NTAQ1: variants seen among roughly 807,000 people sequenced by gnomAD.
NTAQ1 encodes protein N-terminal glutamine amidohydrolase.
Under a neutral mutation model 28.2 loss-of-function variants are expected in NTAQ1, and 21 were observed. That is an observed-to-expected ratio of 0.74 (90% CI 0.53 to 1.07). The LOEUF is 1.07. Among genes scored for constraint, NTAQ1 ranks in the 50% least tolerant of loss-of-function variants. The probability of loss-of-function intolerance (pLI) is 0.00; values close to 1 mark genes in which losing one functional copy is unlikely to be tolerated. For synonymous variants in NTAQ1, 105 were observed against 90.0 expected, an observed-to-expected ratio of 1.17 and a Z score of -0.94; for missense variants, 264 against 256.6, an observed-to-expected ratio of 1.03 and a Z score of -0.20.
chr8:123,474,887 C>CAAAACA (rs1223359944), downstream of NTAQ1, among the ~76,000 whole-genome samples: 1 of 152,066 alleles, frequency 6.6e-6, no homozygotes, highest in Non-Finnish European at 1.5e-5. Flanking sequence ...AACTCTGTCT[C>CAAAACA]AAAACAAAAA....
At chr8:123,431,098 G>T (rs1814363082) in intron 3 of NTAQ1, among the ~76,000 whole-genome samples, 1 of 152,180 alleles carries the variant, frequency 6.6e-6, no homozygotes. Flanking sequence ...AGAACTTTGG[G>T]AGGCCGAGGT....
intron 6 of NTAQ1, among the ~76,000 whole-genome samples, chr8:123,459,998 C>T (rs759877174): frequency 3.3e-5 from 5 of 151,986 alleles, no homozygotes; most frequent in Non-Finnish European, 7.4e-5. Flanking sequence ...CGGGGTTTCT[C>T]CATGTTGATC....
chr8:123,425,467 C>A (rs1446842114), intron 1 of NTAQ1, among the ~76,000 whole-genome samples: 1 of 151,612 alleles, frequency 6.6e-6, no homozygotes, highest in African/African-American at 2.4e-5. Flanking sequence ...TTCCCACCCC[C>A]CCACTTTTTT....
intron 3 of NTAQ1, among the ~76,000 whole-genome samples, chr8:123,430,786 A>G (rs909130961): frequency 1.3e-5 from 2 of 152,198 alleles, no homozygotes; most frequent in African/African-American, 4.8e-5. Context: ...GTCTCAATAA[A>G]TAAATAATGT....
chr8:123,472,952 A>G (rs1223742535), downstream of NTAQ1, among the ~76,000 whole-genome samples: 1 of 152,088 alleles, frequency 6.6e-6, no homozygotes, highest in Non-Finnish European at 1.5e-5. Context: ...TTATCCAAGG[A>G]TGCCCTGGAT....
At chr8:123,470,029 AG>A (rs1378498984), downstream of NTAQ1, among the ~76,000 whole-genome samples, 1 of 152,236 alleles carries the variant, frequency 6.6e-6, no homozygotes, top group African/African-American at 2.4e-5. Context: ...GAGGTCATGA[AG>A]GTGTGGTCCC....
intron 3 of NTAQ1, among the ~76,000 whole-genome samples, chr8:123,430,895 C>T (rs1047119614): frequency 2.6e-5 from 4 of 152,200 alleles, no homozygotes; most frequent in African/African-American, 9.7e-5. Context: ...TACGGATCTA[C>T]TCCCACCCCT....
At chr8:123,440,772 A>AT (rs1815016568) in intron 5 of NTAQ1, among the ~76,000 whole-genome samples, 1 of 152,076 alleles carries the variant, frequency 6.6e-6, no homozygotes, top group Admixed American at 6.5e-5. Context: ...AAGTGCTGGG[A>AT]TTACAGGTGT....
chr8:123,438,939 T>C (rs761439568), intron 5 of NTAQ1, among the ~76,000 whole-genome samples: 4 of 152,168 alleles, frequency 2.6e-5, no homozygotes, highest in Non-Finnish European at 5.9e-5. Flanking sequence ...GGCAACCTGC[T>C]CTACAGGGCC....
chr8:123,468,256 C>T (rs1404520668), exon 7 of NTAQ1, among the ~76,000 whole-genome samples: 2 of 152,172 alleles, frequency 1.3e-5, no homozygotes, highest in African/African-American at 4.8e-5. Context: ...ACATAAAACT[C>T]ACTATCTTAA....
At chr8:123,419,080 G>GT (rs1813495952) in intron 1 of NTAQ1, among the ~76,000 whole-genome samples, 1 of 118,356 alleles carries the variant, frequency 8.4e-6, no homozygotes, top group African/African-American at 3.2e-5. Context: ...CAGCTTTGGG[G>GT]GTTTTTTTTT....
intron 1 of NTAQ1, among the ~76,000 whole-genome samples, chr8:123,418,615 G>A (rs573238087): frequency 6.6e-6 from 1 of 152,246 alleles, no homozygotes; most frequent in African/African-American, 2.4e-5. Context: ...GAAAAAAGAG[G>A]GTGGGAGCTT....
chr8:123,444,148 A>G (rs1815182883), downstream of NTAQ1, among the ~76,000 whole-genome samples: 1 of 151,420 alleles, frequency 6.6e-6, no homozygotes, highest in Admixed American at 6.6e-5. Context: ...GATTTTCTGT[A>G]TGGAAAGAAG....
At chr8:123,439,571 C>T (rs1814924022) in intron 5 of NTAQ1, among the ~76,000 whole-genome samples, 1 of 152,006 alleles carries the variant, frequency 6.6e-6, no homozygotes, top group South Asian at 2.1e-4. Context: ...TGGTCTCGAT[C>T]TCCTGACCTC....
chr8:123,468,435 T>C (rs1033070477), exon 7 of NTAQ1, among the ~76,000 whole-genome samples: 5 of 152,190 alleles, frequency 3.3e-5, no homozygotes, highest in African/African-American at 9.6e-5. Context: ...TTAACTACTT[T>C]AGATACCTCG....
At chr8:123,451,850 T>C (rs2130381692), downstream of NTAQ1, among the ~76,000 whole-genome samples, 1 of 152,352 alleles carries the variant, frequency 6.6e-6, no homozygotes, top group East Asian at 1.9e-4. Flanking sequence ...GCTAGAAAAC[T>C]GCTGCTAAAG....
In NTAQ1 at chr8:123,423,355, C is replaced by CT. The variant is rs767762614; in HGVS notation, c.84-4566dup. Among the ~76,000 whole-genome samples the CT allele has an allele frequency of 1.7e-3, 168 of 101,396 alleles. 2 individuals are homozygous for CT. The East Asian group carries it at 0.022, about 13-fold the overall frequency. The allele number at this position is 101,396 out of a possible 152,430, so 66.5% of individuals were successfully genotyped here. On this transcript the variant is annotated intron_variant, in intron 1 of 5. Transcript: ENST00000287387. ...GTCTTTCTTTTCCTTCCTTTCCCTC[C>CT]TTTCCTTCCTTTCCCTCCTTTTCCT...
intron 6 of NTAQ1, among the ~76,000 whole-genome samples, chr8:123,447,756 A>C (rs1815342747): frequency 6.6e-6 from 1 of 152,236 alleles, no homozygotes; most frequent in Non-Finnish European, 1.5e-5. Flanking sequence ...TTCATATAAA[A>C]ATATGTTTGT....
intron 6 of NTAQ1, among the ~76,000 whole-genome samples, chr8:123,460,249 G>A (rs6982267): frequency 0.36 from 55,139 of 152,064 alleles, 10,119 homozygotes; most frequent in East Asian, 0.56. Flanking sequence ...TACTTATTGG[G>A]CATGAAATTA....
Sources: allele counts gnomAD v4.1 joint callset (sites outside exome capture counted in the v4.1 genomes callset), GRCh38; gene constraint gnomAD v4.1.1; transcripts MANE v1.5; gene names NCBI Gene and HGNC (gene_info 2026-07-23, HGNC 2026-07-21).